AGTPBP1: variants seen among roughly 807,000 people sequenced by gnomAD.
AGTPBP1 encodes ATP/GTP binding carboxypeptidase 1.
AGTPBP1 carries 70 observed loss-of-function variants against 143.9 expected under a neutral mutation model. The ratio of observed to expected loss-of-function variants is 0.49; its 90% CI spans 0.40 to 0.59. The LOEUF (loss-of-function observed/expected upper bound fraction) is 0.59. Among genes scored for constraint, AGTPBP1 ranks in the 20% least tolerant of loss-of-function variants. The probability of loss-of-function intolerance (pLI) is 0.00; values close to 1 mark genes in which losing one functional copy is unlikely to be tolerated. For synonymous variants in AGTPBP1, 463 were observed against 500.2 expected (o/e 0.93, Z 0.99); for missense variants, 1,229 against 1,464.5 (o/e 0.84, Z 2.62).
At chr9:85,773,213 C>A in the AGTPBP1 span, among the ~76,000 whole-genome samples, 1 of 133,516 alleles carries the variant, frequency 7.5e-6, no homozygotes, top group Admixed American at 8.0e-5. Flanking sequence ...TGCAGTGAGC[C>A]GAGATTGCAC....
chr9:85,632,519 A>C, intron 14 of AGTPBP1, 143 bp downstream of exon 14: 1 of 752,532 alleles, frequency 1.3e-6, no homozygotes, highest in Non-Finnish European at 2.0e-6. Flanking sequence ...AAACAAGGCA[A>C]AATTTCCAAA....
At position 85,677,482 on chromosome 9, in the gene AGTPBP1, G is replaced by A. The variant is rs1297996279; in HGVS notation, c.390C>T (p.Asp130=). 1 of 1,605,334 alleles carries A rather than the reference G, an allele frequency of 6.2e-7. No individual in the cohort carries two copies. The highest frequency in any genetic ancestry group is 1.3e-5 in the African/African-American group (1 of 74,310). The part of the protein sequence containing the change: ...NASKESPPHE[D]LMVQIHSILA... Reference sequence around the variant, plus strand: ...GAATAGAATGAATCTGTACCATTAAGTCCTCATGTGGGGGAGATTCTTTGC... The same window carrying A: ...GAATAGAATGAATCTGTACCATTAAATCCTCATGTGGGGGAGATTCTTTGC... The change falls in exon 6 of 26, where the codon GAC becomes GAT. Residue 130 remains aspartate, a synonymous_variant. Coordinates refer to ENST00000357081, the MANE Select transcript of AGTPBP1 (RefSeq NM_001330701.2).
At chr9:85,751,499 C>T in the AGTPBP1 span, among the ~76,000 whole-genome samples, 1 of 152,150 alleles carries the variant, frequency 6.6e-6, no homozygotes, top group African/African-American at 2.4e-5. Context: ...GGACCAGTAA[C>T]AGAGAGTATG....
chr9:85,697,181 C>A (rs1025108168), intron 2 of AGTPBP1, among the ~76,000 whole-genome samples: 3 of 151,830 alleles, frequency 2.0e-5, no homozygotes, highest in South Asian at 2.1e-4. Flanking sequence ...ACAACACACA[C>A]AAAAAAATGT....
intron 23 of AGTPBP1, among the ~76,000 whole-genome samples, chr9:85,580,621 C>T (rs1040959080): frequency 1.8e-4 from 27 of 152,144 alleles, no homozygotes; most frequent in African/African-American, 6.5e-4. Context: ...TTTCACCTGG[C>T]AAAGATGATA....
At position 85,593,639 on chromosome 9, in the gene AGTPBP1, C is replaced by T. The variant is rs560943199; in HGVS notation, c.2424-935G>A. Among the ~76,000 whole-genome samples the T allele has an allele frequency of 3.9e-5, 6 of 152,096 alleles. No homozygotes were observed. The East Asian group carries it at 5.8e-4, about 15-fold the overall frequency. ...TATGTAAGTATGTACAGATAAAATA[C>T]GGTATCCGAAAATGGACTTAAAAAT... On this transcript the variant is annotated intron_variant, in intron 18 of 25. Coordinates refer to ENST00000357081, the MANE Select transcript of AGTPBP1 (RefSeq NM_001330701.2).
intron 13 of AGTPBP1, among the ~76,000 whole-genome samples, chr9:85,641,658 T>G (rs961433260): frequency 1.3e-5 from 2 of 152,038 alleles, no homozygotes; most frequent in Non-Finnish European, 2.9e-5. Flanking sequence ...AGCTGAAACC[T>G]GAATGATTAG....
intron 14 of AGTPBP1, among the ~76,000 whole-genome samples, chr9:85,629,426 T>C (rs934954606): frequency 6.6e-6 from 1 of 152,188 alleles, no homozygotes; most frequent in African/African-American, 2.4e-5. Flanking sequence ...CCAGTATGTA[T>C]AAATTCCTCC....
At chr9:85,749,804 A>G in the AGTPBP1 span, among the ~76,000 whole-genome samples, 1 of 152,208 alleles carries the variant, frequency 6.6e-6, no homozygotes, top group Non-Finnish European at 1.5e-5. Flanking sequence ...TTTAATATGT[A>G]TAACAAAAAT....
chr9:85,635,402 A>G (rs1052906909), intron 13 of AGTPBP1, among the ~76,000 whole-genome samples: 1 of 152,232 alleles, frequency 6.6e-6, no homozygotes, highest in African/African-American at 2.4e-5. Context: ...AAATAGGTAG[A>G]TCTACCTTAA....
intron 1 of AGTPBP1, among the ~76,000 whole-genome samples, chr9:85,727,244 TTGAACCCA>T (rs1365977426): frequency 8.5e-5 from 13 of 152,062 alleles, no homozygotes; most frequent in African/African-American, 3.1e-4. Context: ...GAAGAATCAC[TTGAACCCA>T]GGAGATGGAG....
At chr9:85,574,233 G>A (rs1184559730) in intron 25 of AGTPBP1, among the ~76,000 whole-genome samples, 4 of 152,050 alleles carry the variant, frequency 2.6e-5, no homozygotes, top group South Asian at 2.1e-4. Flanking sequence ...GATTAAGGGC[G>A]GTGCAAGATG....
intron 2 of AGTPBP1, among the ~76,000 whole-genome samples, chr9:85,699,875 C>A (rs1362997937): frequency 1.3e-5 from 2 of 152,168 alleles, no homozygotes; most frequent in African/African-American, 4.8e-5. Context: ...AGTACTCAAT[C>A]ATTAAATCAC....
At chr9:85,759,470 C>T in the AGTPBP1 span, among the ~76,000 whole-genome samples, 69 of 152,162 alleles carry the variant, frequency 4.5e-4, no homozygotes, top group African/African-American at 1.6e-3. Context: ...AAGAAACTCA[C>T]TCAAAACCGC....
At chr9:85,745,021 G>A (rs186954396), upstream of AGTPBP1, among the ~76,000 whole-genome samples, 1 of 152,262 alleles carries the variant, frequency 6.6e-6, no homozygotes, top group Admixed American at 6.5e-5. Context: ...ACTATATAAT[G>A]GAATTCATTT....
the AGTPBP1 span, among the ~76,000 whole-genome samples, chr9:85,800,610 C>T: frequency 2.6e-5 from 4 of 152,156 alleles, no homozygotes; most frequent in Middle Eastern, 3.2e-3. Flanking sequence ...TGGAGACAAA[C>T]GTATGTTCAA....
intron 13 of AGTPBP1, among the ~76,000 whole-genome samples, chr9:85,637,395 C>A (rs1290564209): frequency 6.6e-6 from 1 of 152,040 alleles, no homozygotes; most frequent in Non-Finnish European, 1.5e-5. Context: ...ATATTAAAGT[C>A]CAATGAAGTC....
At chr9:85,614,238 T>A (rs1460646171) in intron 17 of AGTPBP1, among the ~76,000 whole-genome samples, 1 of 151,960 alleles carries the variant, frequency 6.6e-6, no homozygotes, top group African/African-American at 2.4e-5. Context: ...AATATAGCTA[T>A]GAATCACAGA....
intron 25 of AGTPBP1, among the ~76,000 whole-genome samples, chr9:85,548,258 C>G (rs1247993422): frequency 1.3e-5 from 2 of 152,178 alleles, no homozygotes; most frequent in African/African-American, 4.8e-5. Context: ...AGAATTCCTG[C>G]AACTGAGTAT....
Sources: gnomAD v4.1 joint callset for allele counts (sites outside exome capture counted in the v4.1 genomes callset) on GRCh38, gnomAD v4.1.1 for gene constraint, MANE v1.5 for transcripts, NCBI Gene and HGNC (gene_info 2026-07-23, HGNC 2026-07-21) for gene names.